The following FOXP1 variants were observed in gnomAD, a reference collection of about 807,000 sequenced individuals.
FOXP1 encodes the protein forkhead box protein P1.
FOXP1 carries 15 observed loss-of-function variants against 98.2 expected under a neutral mutation model. That is an observed-to-expected ratio of 0.15 (90% CI 0.10 to 0.24). The LOEUF (loss-of-function observed/expected upper bound fraction) is 0.24. Among genes scored for constraint, FOXP1 ranks in the 10% least tolerant of loss-of-function variants. FOXP1 has a pLI of 1.00. For synonymous variants in FOXP1, 371 were observed against 314.5 expected (o/e 1.18, Z -1.90); for missense variants, 633 against 848.5 (o/e 0.75, Z 3.15).
chr3:71,224,502 G>A (rs978036419), intron 5 of FOXP1, among the ~76,000 whole-genome samples: 11 of 152,292 alleles, frequency 7.2e-5, no homozygotes, highest in South Asian at 4.2e-4. Flanking sequence ...AGTACAATCC[G>A]CACAAGTGAT....
intron 2 of FOXP1, among the ~76,000 whole-genome samples, chr3:71,546,249 C>G (rs2045349664): frequency 6.6e-6 from 1 of 152,154 alleles, no homozygotes; most frequent in Non-Finnish European, 1.5e-5. Context: ...GGCAGGAATT[C>G]CCACTTTGGC....
chr3:71,233,825 A>T (rs1205604787), intron 5 of FOXP1, among the ~76,000 whole-genome samples: 1 of 152,218 alleles, frequency 6.6e-6, no homozygotes, highest in African/African-American at 2.4e-5. Flanking sequence ...TAAAATGCAT[A>T]AAAGTGGAAT....
chr3:71,477,632 G>C (rs2089960456), intron 3 of FOXP1, among the ~76,000 whole-genome samples: 1 of 152,162 alleles, frequency 6.6e-6, no homozygotes, highest in Admixed American at 6.5e-5. Context: ...TTTCTCTTAT[G>C]ATGTTGAGCC....
chr3:71,258,972 C>T (rs1477168413), intron 5 of FOXP1, among the ~76,000 whole-genome samples: 1 of 152,108 alleles, frequency 6.6e-6, no homozygotes, highest in African/African-American at 2.4e-5. Flanking sequence ...AGTGAAACCC[C>T]TTCTCTACTA....
intron 7 of FOXP1, among the ~76,000 whole-genome samples, chr3:71,093,384 A>G (rs2056107631): frequency 6.6e-6 from 1 of 150,494 alleles, no homozygotes; most frequent in Admixed American, 6.6e-5. Flanking sequence ...AATAATAGCC[A>G]CTGGCCACAT....
intron 5 of FOXP1, among the ~76,000 whole-genome samples, chr3:71,252,005 C>G (rs905633061): frequency 5.3e-5 from 8 of 152,186 alleles, no homozygotes; most frequent in Non-Finnish European, 5.9e-5. Context: ...CCAGCTTTCT[C>G]TGCAGTTAGG....
chr3:70,972,799 C>T, intron 17 of FOXP1, 123 bp from the exon 18 acceptor site: 1 of 931,610 alleles, frequency 1.1e-6, no homozygotes, highest in Non-Finnish European at 1.6e-6. Context: ...TAGCTACCAC[C>T]CCCGTGGAGG....
intron 4 of FOXP1, among the ~76,000 whole-genome samples, chr3:71,329,215 CT>C (rs540804784): frequency 2.3e-4 from 34 of 150,644 alleles, no homozygotes; most frequent in African/African-American, 7.3e-4. Flanking sequence ...GTCTAGACCT[CT>C]TTTTTTTTCT....
chr3:71,502,017 C>T (rs1156869368), intron 2 of FOXP1, among the ~76,000 whole-genome samples: 5 of 152,202 alleles, frequency 3.3e-5, no homozygotes, highest in Non-Finnish European at 5.9e-5. Context: ...GGAGGCGTGA[C>T]GCTCATCAGG....
intron 13 of FOXP1, 77 bp from the exon 14 acceptor site, chr3:70,988,154 C>G: frequency 8.0e-7 from 1 of 1,249,002 alleles, no homozygotes; most frequent in Non-Finnish European, 1.2e-6. Context: ...ATACATATTA[C>G]AAATTACGCT....
chr3:71,521,639 T>C, intron 2 of FOXP1, among the ~76,000 whole-genome samples: 1 of 152,200 alleles, frequency 6.6e-6, no homozygotes, highest in East Asian at 1.9e-4. Flanking sequence ...CAAAGATTTG[T>C]TTCGCTTGGG....
At chr3:71,471,876 C>A (rs1281253248) in intron 3 of FOXP1, among the ~76,000 whole-genome samples, 1 of 152,112 alleles carries the variant, frequency 6.6e-6, no homozygotes, top group African/African-American at 2.4e-5. Context: ...TCTGAGCAGA[C>A]CAAGAAAGAC....
rs910010099 is a variant in FOXP1 at position 71,375,968 on chromosome 3, T to C, written c.-167-16724A>G. ...GGATGGAGACATAAAGGAACATGATTTGGGGTTCTGATGTAAGATTCGTGG... is the reference window on the plus strand; with the variant it reads ...GGATGGAGACATAAAGGAACATGATCTGGGGTTCTGATGTAAGATTCGTGG... On this transcript the variant is annotated intron_variant, in intron 3 of 20. Coordinates refer to ENST00000649528, the MANE Select transcript of FOXP1 (RefSeq NM_001349338.3). Among the ~76,000 whole-genome samples the C allele has an allele frequency of 5.9e-5, 9 of 152,232 alleles. 1 individual carries two copies. Among genetic ancestry groups the C allele is most frequent in the African/African-American group, 2.2e-4 (9 of 41,544 alleles).
At chr3:71,580,658 T>G (rs943394870) in intron 2 of FOXP1, among the ~76,000 whole-genome samples, 1 of 151,326 alleles carries the variant, frequency 6.6e-6, no homozygotes, top group East Asian at 2.0e-4. Flanking sequence ...AAATTGATTC[T>G]TGCTGTGGAA....
intron 5 of FOXP1, among the ~76,000 whole-genome samples, chr3:71,209,878 T>G (rs1405382739): frequency 6.6e-6 from 1 of 152,198 alleles, no homozygotes; most frequent in African/African-American, 2.4e-5. Flanking sequence ...CTTCCATTAC[T>G]TAAAATTTAA....
At chr3:71,365,624 C>T (rs1265072923) in intron 3 of FOXP1, among the ~76,000 whole-genome samples, 1 of 152,138 alleles carries the variant, frequency 6.6e-6, no homozygotes, top group Non-Finnish European at 1.5e-5. Context: ...GAAATGACAT[C>T]CACTAAAAGT....
At chr3:71,389,222 C>T (rs1478658923) in intron 3 of FOXP1, among the ~76,000 whole-genome samples, 1 of 93,576 alleles carries the variant, frequency 1.1e-5, no homozygotes, top group Non-Finnish European at 2.0e-5. Flanking sequence ...ACTCCATATG[C>T]TATATCTGTA....
At chr3:71,017,524 A>G (rs1316172477) in intron 11 of FOXP1, among the ~76,000 whole-genome samples, 2 of 151,510 alleles carry the variant, frequency 1.3e-5, no homozygotes, top group Non-Finnish European at 2.9e-5. Flanking sequence ...AAAAAAACCT[A>G]CCTTCAAATA....
chr3:70,954,992 G>C lies in FOXP1; in HGVS notation c.*4255C>G. On this transcript the variant is annotated 3_prime_UTR_variant, in exon 21 of 21. Transcript: ENST00000649528. ...TCAAGGCTTATGGGTAGCAGAGATTGCGTGAGCTACACTGGGCCCAAGAAA... is the reference window on the plus strand; with the variant it reads ...TCAAGGCTTATGGGTAGCAGAGATTCCGTGAGCTACACTGGGCCCAAGAAA... 1 of 232,590 alleles carries C rather than the reference G, an allele frequency of 4.3e-6. No individual in the cohort carries two copies. 14.4% of individuals were successfully genotyped at this position (232,590 alleles called of 1,614,324 possible). A position where few individuals can be genotyped will look rare whatever the true frequency, so the allele number is the denominator to read the frequency against.
Sources: allele counts gnomAD v4.1 joint callset (sites outside exome capture counted in the v4.1 genomes callset), GRCh38; gene constraint gnomAD v4.1.1; transcripts MANE v1.5; gene names NCBI Gene and HGNC (gene_info 2026-07-23, HGNC 2026-07-21).